Variants in PTPRM observed in about 807,000 individuals in gnomAD.
The protein encoded by PTPRM is protein tyrosine phosphatase receptor type M, also known as receptor-type tyrosine-protein phosphatase mu.
Under a neutral mutation model 186.7 loss-of-function variants are expected in PTPRM, and 47 were observed. The observed-to-expected ratio is 0.25, with a 90% CI of 0.20 to 0.32. The LOEUF is 0.32. Ranked by LOEUF, PTPRM falls within the 10% of genes least tolerant of loss-of-function variation. The pLI is 1.00. For missense variants in PTPRM, 1,494 were observed against 1,865.0 expected (o/e 0.80, Z 3.66); for synonymous variants, 668 against 674.9 (o/e 0.99, Z 0.16).
intron 20 of PTPRM, among the ~76,000 whole-genome samples, chr18:8,303,010 A>G (rs1053457115): frequency 6.6e-6 from 1 of 152,286 alleles, no homozygotes; most frequent in East Asian, 1.9e-4. Context: ...CTGGATTATA[A>G]ATCAGTGACC....
intron 1 of PTPRM, among the ~76,000 whole-genome samples, chr18:7,661,964 C>T (rs1353818873): frequency 6.6e-6 from 1 of 152,168 alleles, no homozygotes; most frequent in Non-Finnish European, 1.5e-5. Flanking sequence ...GTTGCCCAGA[C>T]TGGAATGCAG....
intron 1 of PTPRM, among the ~76,000 whole-genome samples, chr18:7,744,269 A>G (rs1437951006): frequency 1.3e-5 from 2 of 152,200 alleles, no homozygotes; most frequent in Non-Finnish European, 2.9e-5. Context: ...GTTTCTCAGA[A>G]TGAATATTGA....
chr18:7,985,338 TATACAC>T (rs1420062913), intron 7 of PTPRM, among the ~76,000 whole-genome samples: 10 of 130,900 alleles, frequency 7.6e-5, no homozygotes, highest in African/African-American at 2.8e-4. Flanking sequence ...TATAATTGTA[TATACAC>T]ATAAATATAT....
At chr18:7,691,599 A>C (rs1399930799) in intron 1 of PTPRM, among the ~76,000 whole-genome samples, 1 of 152,128 alleles carries the variant, frequency 6.6e-6, no homozygotes, top group Non-Finnish European at 1.5e-5. Context: ...GAGGATATTA[A>C]ATAACTTTAA....
At chr18:8,043,398 T>A (rs2086813556) in intron 7 of PTPRM, among the ~76,000 whole-genome samples, 1 of 152,194 alleles carries the variant, frequency 6.6e-6, no homozygotes, top group African/African-American at 2.4e-5. Context: ...CCTGACATTA[T>A]ATCTTCATCA....
intron 14 of PTPRM, among the ~76,000 whole-genome samples, chr18:8,208,229 A>G (rs1271349475): frequency 1.3e-5 from 2 of 152,200 alleles, no homozygotes; most frequent in Non-Finnish European, 1.5e-5. Context: ...TCTAAATCCC[A>G]CAGTAAACAC....
chr18:8,314,856 A>T lies in PTPRM; in HGVS notation c.2918A>T (p.Asp973Val), dbSNP rs775072197. The change falls in exon 21 of 33, where the codon GAT becomes GTT. Residue 973 changes from aspartate to valine, a missense_variant and splice_region_variant. By Grantham distance (152) the Asp-to-Val change is radical. This residue lies in a region of PTPRM where 1,107 missense variants were observed against 1,350.2 expected (regional missense o/e 0.82). Transcript: ENST00000580170. ...NSDYINGNYI[D>V]GYHRPNHYIA... is the part of the protein sequence containing the mutation. ...GACTATATCAATGGCAATTATATCG[A>T]TGTATGTATTTTATTATTTTTAATT... is the stretch of plus-strand genomic sequence containing the variant. 22 of 1,572,970 alleles carry T rather than the reference A, an allele frequency of 1.4e-5. No homozygotes were observed. Among genetic ancestry groups the T allele is most frequent in the African/African-American group, 4.1e-5 (3 of 73,904 alleles).
intron 1 of PTPRM, among the ~76,000 whole-genome samples, chr18:7,652,586 A>C (rs542724363): frequency 6.6e-6 from 1 of 151,898 alleles, no homozygotes; most frequent in East Asian, 1.9e-4. Flanking sequence ...AAAAATGATG[A>C]GTTCATGTCC....
intron 14 of PTPRM, among the ~76,000 whole-genome samples, chr18:8,159,918 C>A (rs2093196724): frequency 6.7e-6 from 1 of 148,304 alleles, no homozygotes; most frequent in African/African-American, 2.5e-5. Flanking sequence ...TTTAATTTTT[C>A]TGTAGTGTAG....
intron 2 of PTPRM, among the ~76,000 whole-genome samples, chr18:7,879,061 C>A (rs2048373255): frequency 6.6e-6 from 1 of 152,166 alleles, no homozygotes; most frequent in African/African-American, 2.4e-5. Flanking sequence ...AATTACAAAG[C>A]TCACACCTAG....
chr18:7,927,168 T>C (rs2051221513), intron 5 of PTPRM, among the ~76,000 whole-genome samples: 1 of 152,228 alleles, frequency 6.6e-6, no homozygotes, highest in South Asian at 2.1e-4. Flanking sequence ...GGTGTAGTGA[T>C]CAATTGTGTG....
At chr18:7,775,358 C>T (rs745445161) in intron 2 of PTPRM, among the ~76,000 whole-genome samples, 25 of 152,148 alleles carry the variant, frequency 1.6e-4, no homozygotes, top group African/African-American at 5.8e-4. Context: ...CTCTTGTTTT[C>T]TTTGTATGTG....
intron 20 of PTPRM, among the ~76,000 whole-genome samples, chr18:8,298,328 G>A (rs2095118897): frequency 6.6e-6 from 1 of 152,148 alleles, no homozygotes; most frequent in African/African-American, 2.4e-5. Context: ...AAGTGAAGTG[G>A]GGAATCCCCT....
chr18:8,023,870 A>ACACACACACACACACACG (rs71354588), intron 7 of PTPRM, among the ~76,000 whole-genome samples: 17 of 149,382 alleles, frequency 1.1e-4, no homozygotes, highest in African/African-American at 3.2e-4. Flanking sequence ...ACACACACAC[A>ACACACACACACACACACG]CGCACACCCC....
intron 1 of PTPRM, among the ~76,000 whole-genome samples, chr18:7,679,017 C>T (rs2039416432): frequency 6.6e-6 from 1 of 152,170 alleles, no homozygotes; most frequent in Non-Finnish European, 1.5e-5. Context: ...GTTAGGCGTG[C>T]CCTTTCCTCA....
chr18:7,760,383 A>C (rs551720257), intron 1 of PTPRM, among the ~76,000 whole-genome samples: 3 of 152,010 alleles, frequency 2.0e-5, no homozygotes, highest in Non-Finnish European at 4.4e-5. Context: ...TTAAATATTA[A>C]TTTTTTTTGT....
intron 1 of PTPRM, among the ~76,000 whole-genome samples, chr18:7,651,448 A>G (rs1041150366): frequency 1.3e-5 from 2 of 152,224 alleles, no homozygotes; most frequent in African/African-American, 4.8e-5. Flanking sequence ...CGCCAAGTCA[A>G]TCCTAAGCCA....
intron 11 of PTPRM, among the ~76,000 whole-genome samples, chr18:8,104,281 C>G (rs941781975): frequency 3.3e-5 from 5 of 152,108 alleles, no homozygotes; most frequent in Admixed American, 2.6e-4. Flanking sequence ...CTGGGTACGC[C>G]TTTATTAAGA....
intron 2 of PTPRM, among the ~76,000 whole-genome samples, chr18:7,861,917 C>T (rs2047407264): frequency 6.6e-6 from 1 of 152,106 alleles, no homozygotes; most frequent in South Asian, 2.1e-4. Flanking sequence ...TGGGGAAAAA[C>T]CCTCTCCTTA....
Sources: allele counts gnomAD v4.1 joint callset (sites outside exome capture counted in the v4.1 genomes callset), GRCh38; gene constraint gnomAD v4.1.1; regional missense constraint gnomAD v4.1.1; transcripts MANE v1.5; gene names NCBI Gene and HGNC (gene_info 2026-07-23, HGNC 2026-07-21).